AUTS2: variants seen among roughly 807,000 people sequenced by gnomAD.
AUTS2 encodes the protein autism susceptibility gene 2 protein.
AUTS2 carries 17 observed loss-of-function variants against 112.4 expected under a neutral mutation model. The ratio of observed to expected loss-of-function variants is 0.15; its 90% CI spans 0.10 to 0.23. The LOEUF (loss-of-function observed/expected upper bound fraction) is 0.23. Among genes scored for constraint, AUTS2 ranks in the 10% least tolerant of loss-of-function variants. The pLI is 1.00. For synonymous variants in AUTS2, 751 were observed against 702.7 expected (o/e 1.07, Z -1.09); for missense variants, 1,510 against 1,701.6 (o/e 0.89, Z 1.98).
chr7:70,018,958 C>G (rs1800152795), intron 2 of AUTS2, among the ~76,000 whole-genome samples: 1 of 152,106 alleles, frequency 6.6e-6, no homozygotes, highest in African/African-American at 2.4e-5. Flanking sequence ...AGATACATGT[C>G]TGTGTATGTT....
intron 4 of AUTS2, among the ~76,000 whole-genome samples, chr7:70,316,457 G>A (rs530607842): frequency 1.4e-5 from 2 of 143,724 alleles, no homozygotes; most frequent in Admixed American, 1.4e-4. Flanking sequence ...AGGCTGGAGT[G>A]CAATGGCATG....
intron 4 of AUTS2, among the ~76,000 whole-genome samples, chr7:70,205,406 T>C (rs905044430): frequency 6.6e-6 from 1 of 152,138 alleles, no homozygotes; most frequent in South Asian, 2.1e-4. Flanking sequence ...GCAAATGCAG[T>C]CATGCACCAT....
chr7:70,621,317 TG>T (rs1262539113), intron 5 of AUTS2, among the ~76,000 whole-genome samples: 1 of 152,150 alleles, frequency 6.6e-6, no homozygotes, highest in Non-Finnish European at 1.5e-5. Context: ...GGGGGCAGGG[TG>T]GGGGGTTCTC....
At chr7:70,187,548 A>G (rs944050318) in intron 4 of AUTS2, among the ~76,000 whole-genome samples, 9 of 152,168 alleles carry the variant, frequency 5.9e-5, no homozygotes, top group Non-Finnish European at 1.2e-4. Context: ...TCTTCTGAAA[A>G]ATTAGACTGC....
At chr7:69,683,146 G>A (rs750352253) in intron 1 of AUTS2, among the ~76,000 whole-genome samples, 7 of 152,076 alleles carry the variant, frequency 4.6e-5, no homozygotes, top group Non-Finnish European at 8.8e-5. Context: ...AGGGCCCAGG[G>A]GATTGGTTTG....
chr7:69,822,638 AGTTT>A (rs1791049054), intron 1 of AUTS2, among the ~76,000 whole-genome samples: 1 of 152,218 alleles, frequency 6.6e-6, no homozygotes, highest in Non-Finnish European at 1.5e-5. Context: ...AAGATATGGA[AGTTT>A]GTTTGATGAA....
chr7:70,412,490 A>G (rs1794820609), intron 4 of AUTS2, among the ~76,000 whole-genome samples: 1 of 152,192 alleles, frequency 6.6e-6, no homozygotes, highest in South Asian at 2.1e-4. Flanking sequence ...GAATAACACC[A>G]TAATGAAGCT....
At chr7:70,561,503 G>A (rs1801485465) in intron 5 of AUTS2, among the ~76,000 whole-genome samples, 3 of 152,124 alleles carry the variant, frequency 2.0e-5, no homozygotes, top group South Asian at 2.1e-4. Flanking sequence ...GCACGCACCT[G>A]TAGTCCCAGC....
chr7:70,490,834 T>A (rs1347537720), intron 5 of AUTS2, among the ~76,000 whole-genome samples: 1 of 152,218 alleles, frequency 6.6e-6, no homozygotes, highest in African/African-American at 2.4e-5. Context: ...CATGATATCA[T>A]CCTTTCCACA....
chr7:69,891,058 A>G (rs748793274), intron 1 of AUTS2, among the ~76,000 whole-genome samples: 4 of 152,208 alleles, frequency 2.6e-5, no homozygotes, highest in Admixed American at 2.0e-4. Flanking sequence ...ACATGTGTAT[A>G]TACCCATGAA....
At chr7:69,699,639 GTTTTTTTTTTT>G (rs748794120) in intron 1 of AUTS2, among the ~76,000 whole-genome samples, 5 of 111,526 alleles carry the variant, frequency 4.5e-5, no homozygotes, top group Non-Finnish European at 9.2e-5. Context: ...CAGTGATAAT[GTTTTTTTTTTT>G]TTTTTTTTTT....
At chr7:70,213,781 G>A (rs2129589224) in intron 4 of AUTS2, among the ~76,000 whole-genome samples, 1 of 152,254 alleles carries the variant, frequency 6.6e-6, no homozygotes, top group African/African-American at 2.4e-5. Context: ...AAATAGCATG[G>A]GCTTTAGAGT....
At chr7:69,991,107 G>A (rs921104497) in intron 2 of AUTS2, among the ~76,000 whole-genome samples, 1 of 152,164 alleles carries the variant, frequency 6.6e-6, no homozygotes, top group African/African-American at 2.4e-5. Context: ...GAGAGTCTGG[G>A]AACTGGAACA....
chr7:70,701,166 C>T (rs1461612282), intron 6 of AUTS2, among the ~76,000 whole-genome samples: 1 of 152,186 alleles, frequency 6.6e-6, no homozygotes, highest in Non-Finnish European at 1.5e-5. Context: ...GATTATGCTG[C>T]TGAGCCTGGT....
At chr7:69,788,917 A>G (rs958050177) in intron 1 of AUTS2, among the ~76,000 whole-genome samples, 3 of 152,190 alleles carry the variant, frequency 2.0e-5, no homozygotes, top group African/African-American at 7.2e-5. Flanking sequence ...CTGAGTTATA[A>G]GGGAAACGAT....
chr7:69,853,902 T>C (rs1290467149), intron 1 of AUTS2, among the ~76,000 whole-genome samples: 3 of 152,158 alleles, frequency 2.0e-5, no homozygotes, highest in African/African-American at 7.2e-5. Flanking sequence ...GAAAAAGGAT[T>C]CAACATTTAA....
intron 6 of AUTS2, among the ~76,000 whole-genome samples, chr7:70,744,547 A>G (rs1234068538): frequency 6.6e-6 from 1 of 152,182 alleles, no homozygotes; most frequent in Non-Finnish European, 1.5e-5. Flanking sequence ...ATTCAAGTAA[A>G]GTCAGTCTGT....
intron 4 of AUTS2, among the ~76,000 whole-genome samples, chr7:70,305,947 GAAAAT>G (rs749717965): frequency 1.3e-5 from 2 of 150,770 alleles, no homozygotes; most frequent in African/African-American, 2.4e-5. Flanking sequence ...ATTCAGGAAA[GAAAAT>G]AAAATTATGC....
intron 4 of AUTS2, among the ~76,000 whole-genome samples, chr7:70,407,939 A>T (rs939849496): frequency 2.4e-4 from 37 of 151,960 alleles, no homozygotes; most frequent in African/African-American, 7.5e-4. Flanking sequence ...CTGTAGTCCC[A>T]GCTACTCGGG....
Sources: gnomAD v4.1 joint callset for allele counts (sites outside exome capture counted in the v4.1 genomes callset) on GRCh38, gnomAD v4.1.1 for gene constraint, MANE v1.5 for transcripts, NCBI Gene and HGNC (gene_info 2026-07-23, HGNC 2026-07-21) for gene names.